The following ERBB4 variants were observed in gnomAD, a reference collection of about 807,000 sequenced individuals.
The protein encoded by ERBB4 is erb-b2 receptor tyrosine kinase 4.
Under a neutral mutation model 158.0 loss-of-function variants are expected in ERBB4, and 42 were observed. The ratio of observed to expected loss-of-function variants is 0.27; its 90% confidence interval spans 0.21 to 0.34. ERBB4 has a LOEUF of 0.34. Ranked by LOEUF, ERBB4 falls within the 10% of genes least tolerant of loss-of-function variation. ERBB4 has a pLI of 1.00. For synonymous variants in ERBB4, 583 were observed against 558.7 expected, an observed-to-expected ratio of 1.04 and a Z score of -0.61; for missense variants, 1,333 against 1,624.1, an observed-to-expected ratio of 0.82 and a Z score of 3.08.
rs1164995358 is a variant in ERBB4, at chr2:211,382,501, G to A, written c.*1114C>T. ...GATTCAAAATCCAAAATGGAGTTCA[G>A]AAAAAGAACAAATAAAATTACAGCT... On this transcript the variant is annotated 3_prime_UTR_variant, in exon 28 of 28. Transcript: ENST00000342788. The A allele has an allele frequency of 4.3e-6, 1 of 232,472 alleles. No homozygotes were observed. Among genetic ancestry groups the A allele is most frequent in the Non-Finnish European group, 8.5e-6 (1 of 117,414 alleles). 14.4% of individuals were successfully genotyped at this position (232,472 alleles called of 1,614,324 possible).
At chr2:211,779,651 C>T in intron 4 of ERBB4, 1 of 152,132 alleles carries the variant, frequency 6.6e-6, no homozygotes, top group South Asian at 2.1e-4. Flanking sequence ...ATCTGAGAAG[C>T]CTTTGCTTCA....
At chr2:212,537,490 G>A (rs1168883562) in intron 1 of ERBB4, among the ~76,000 whole-genome samples, 1 of 152,032 alleles carries the variant, frequency 6.6e-6, no homozygotes, top group Non-Finnish European at 1.5e-5. Flanking sequence ...CTGCCTCTCG[G>A]GGTCAATTAG....
At chr2:212,495,989 T>C (rs1690545046) in intron 1 of ERBB4, among the ~76,000 whole-genome samples, 1 of 152,188 alleles carries the variant, frequency 6.6e-6, no homozygotes. Context: ...TTGGTATTAC[T>C]TGATACGGCA....
intron 3 of ERBB4, among the ~76,000 whole-genome samples, chr2:211,885,841 A>G (rs113953638): frequency 1.3e-5 from 2 of 152,326 alleles, no homozygotes; most frequent in African/African-American, 4.8e-5. Flanking sequence ...ATGTTTCTTA[A>G]TGAAATTAGT....
At chr2:212,331,004 T>A (rs537771660) in intron 1 of ERBB4, among the ~76,000 whole-genome samples, 2 of 131,278 alleles carry the variant, frequency 1.5e-5, no homozygotes, top group East Asian at 2.6e-4. Flanking sequence ...AAGTATGTGC[T>A]TTTTCCTGCA....
intron 2 of ERBB4, among the ~76,000 whole-genome samples, chr2:211,996,698 T>C (rs558496536): frequency 2.3e-4 from 35 of 152,338 alleles, no homozygotes; most frequent in South Asian, 1.0e-3. Context: ...GTTTGTTCCC[T>C]GGCTTTGCTG....
chr2:212,354,096 T>C (rs75203932), intron 1 of ERBB4, among the ~76,000 whole-genome samples: 1 of 152,298 alleles, frequency 6.6e-6, no homozygotes, highest in African/African-American at 2.4e-5. Flanking sequence ...ACCTGGCTCA[T>C]CCTTACCAAT....
chr2:211,478,081 T>G (rs2125541263), intron 20 of ERBB4, among the ~76,000 whole-genome samples: 1 of 152,248 alleles, frequency 6.6e-6, no homozygotes, highest in African/African-American at 2.4e-5. Context: ...TGCTGTCCAG[T>G]TTCTGCAGGT....
Position 212,123,371 on chromosome 2 carries a change from C to A in ERBB4, c.234+1381G>T, listed in dbSNP as rs548695239. Among the ~76,000 whole-genome samples the A allele has an allele frequency of 8.4e-4, 128 of 152,252 alleles. 6 individuals are homozygous for A. The South Asian group carries it at 0.026, about 31-fold the overall frequency. Reference sequence around the variant, plus strand: ...TGAGCCGATATCACACCACTGCGCTCCAGCCAGGGCGACAGAGCAAGACTC... The same window carrying A: ...TGAGCCGATATCACACCACTGCGCTACAGCCAGGGCGACAGAGCAAGACTC... On this transcript the variant is annotated intron_variant, in intron 2 of 27. Transcript: ENST00000342788.
At chr2:211,874,713 T>C (rs1424817635) in intron 3 of ERBB4, among the ~76,000 whole-genome samples, 1 of 152,148 alleles carries the variant, frequency 6.6e-6, no homozygotes, top group East Asian at 1.9e-4. Flanking sequence ...TTTCATGCCA[T>C]GCCATACAGC....
At chr2:211,580,713 A>G (rs2068041604) in intron 19 of ERBB4, among the ~76,000 whole-genome samples, 1 of 146,666 alleles carries the variant, frequency 6.8e-6, no homozygotes, top group African/African-American at 2.5e-5. Flanking sequence ...TGTTTATAGC[A>G]GCACAATTTG....
intron 4 of ERBB4, among the ~76,000 whole-genome samples, chr2:211,754,460 G>C (rs544269646): frequency 6.6e-6 from 1 of 150,566 alleles, no homozygotes; most frequent in Non-Finnish European, 1.5e-5. Flanking sequence ...GGAGTGCAGT[G>C]GCGCAATCTT....
At chr2:211,488,337 G>A (rs77462436) in intron 20 of ERBB4, among the ~76,000 whole-genome samples, 2,749 of 152,028 alleles carry the variant, frequency 0.018, 97 homozygotes, top group African/African-American at 0.063. Flanking sequence ...GGTACTTGCC[G>A]TATCTTACTT....
intron 1 of ERBB4, among the ~76,000 whole-genome samples, chr2:212,501,823 A>C (rs1178232306): frequency 6.6e-6 from 1 of 152,126 alleles, no homozygotes; most frequent in Non-Finnish European, 1.5e-5. Flanking sequence ...TCCATAATAA[A>C]TCATTTTATC....
In ERBB4 at chr2:211,551,236, C is replaced by T. The variant is rs192984518; in HGVS notation, c.2487+10667G>A. Among the ~76,000 whole-genome samples the T allele has an allele frequency of 3.1e-4, 47 of 152,152 alleles. No homozygotes were observed. The East Asian group carries it at 6.9e-3, about 22-fold the overall frequency. Reference sequence around the variant, plus strand: ...TCTTACCATCAAATTAGATTCATGCCGCTGACATACACAAAAGGTCTGATG... The same window carrying T: ...TCTTACCATCAAATTAGATTCATGCTGCTGACATACACAAAAGGTCTGATG... On this transcript the variant is annotated intron_variant, in intron 20 of 27. Coordinates refer to ENST00000342788, the MANE Select transcript of ERBB4 (RefSeq NM_005235.3).
At chr2:211,618,425 T>C (rs1370174294) in intron 19 of ERBB4, among the ~76,000 whole-genome samples, 1 of 152,064 alleles carries the variant, frequency 6.6e-6, no homozygotes, top group Non-Finnish European at 1.5e-5. Context: ...TAATTATCTA[T>C]GGCTGCTTTC....
At chr2:212,242,654 T>C (rs1174681374) in intron 1 of ERBB4, among the ~76,000 whole-genome samples, 2 of 152,086 alleles carry the variant, frequency 1.3e-5, no homozygotes, top group Non-Finnish European at 2.9e-5. Context: ...AGTTATAGCA[T>C]GTTACCATGA....
chr2:211,963,177 G>A (rs1192340734), intron 2 of ERBB4, among the ~76,000 whole-genome samples: 2 of 152,024 alleles, frequency 1.3e-5, no homozygotes, highest in Non-Finnish European at 2.9e-5. Flanking sequence ...GCAATGTCTG[G>A]AGATATTTGT....
At chr2:212,132,012 T>C (rs1219378500) in intron 1 of ERBB4, among the ~76,000 whole-genome samples, 1 of 152,154 alleles carries the variant, frequency 6.6e-6, no homozygotes, top group Non-Finnish European at 1.5e-5. Flanking sequence ...ATTTTGTGTG[T>C]GGGTGTGTCT....
Sources: gnomAD v4.1 joint callset for allele counts (sites outside exome capture counted in the v4.1 genomes callset) on GRCh38, gnomAD v4.1.1 for gene constraint, MANE v1.5 for transcripts, NCBI Gene and HGNC (gene_info 2026-07-23, HGNC 2026-07-21) for gene names.